The following CAMK2D variants were observed in gnomAD, a reference collection of about 807,000 sequenced individuals.
The protein encoded by CAMK2D is calcium/calmodulin dependent protein kinase II delta, also known as calcium/calmodulin-dependent protein kinase type II subunit delta.
A neutral mutation model predicts 84.0 loss-of-function variants in CAMK2D; 37 were observed. The ratio of observed to expected loss-of-function variants is 0.44; its 90% CI spans 0.34 to 0.58. The LOEUF (loss-of-function observed/expected upper bound fraction) is 0.58, where lower values mean the gene tolerates loss of function less well. Among genes scored for constraint, CAMK2D ranks in the 20% least tolerant of loss-of-function variants. The pLI, the probability that CAMK2D is intolerant of heterozygous loss-of-function variation, is 0.02. For missense variants in CAMK2D, 448 were observed against 652.5 expected (o/e 0.69, Z 3.41); for synonymous variants, 202 against 212.5 (o/e 0.95, Z 0.43).
rs147459243 is a variant in CAMK2D at position 113,495,702 on chromosome 4, T to C, written c.1135+4761A>G. ...AAACATCCTCATTACTACTACCTAG[T>C]AATCAGGAAAAGTAAAAAGGAATTC... On this transcript the variant is annotated intron_variant, in intron 16 of 20. Transcript: ENST00000511664. Among the ~76,000 whole-genome samples the C allele has an allele frequency of 1.3e-3, 194 of 152,156 alleles. 1 individual carries two copies. The highest frequency in any genetic ancestry group is 4.6e-3 in the African/African-American group (191 of 41,518).
At position 113,455,765 on chromosome 4, in the gene CAMK2D, T is replaced by C. The variant is rs777310167; in HGVS notation, c.1592A>G (p.Gln531Arg). 6 of 1,612,370 alleles carry C rather than the reference T, an allele frequency of 3.7e-6. No homozygotes were observed. The highest frequency in any genetic ancestry group is 4.2e-6 in the Non-Finnish European group (5 of 1,178,656). ...AATGGTTTTCAGGCCTTAGATGTTT[T>C]GCCACAAAGAGGTGCCTCCTGAGAA... ...ENFSGGTSLW[Q>R]NI Residue 531 changes from glutamine to arginine, a missense_variant, in exon 20 of 21, where the codon CAA becomes CGA. Physicochemically the swap from Gln to Arg is conservative, Grantham distance 43 (BLOSUM62 1). Transcript: ENST00000511664.
intron 3 of CAMK2D, among the ~76,000 whole-genome samples, chr4:113,615,140 T>C (rs1429986364): frequency 1.3e-5 from 2 of 152,134 alleles, no homozygotes; most frequent in Admixed American, 6.6e-5. Context: ...CAGATCCTTT[T>C]TATATTCCCA....
intron 16 of CAMK2D, among the ~76,000 whole-genome samples, chr4:113,491,527 C>A (rs1397435758): frequency 6.6e-6 from 1 of 151,900 alleles, no homozygotes; most frequent in Non-Finnish European, 1.5e-5. Context: ...TTTTGACGTG[C>A]TGCTGGATTC....
chr4:113,737,503 C>T (rs1014632597), intron 2 of CAMK2D, among the ~76,000 whole-genome samples: 2 of 151,958 alleles, frequency 1.3e-5, no homozygotes, highest in African/African-American at 4.8e-5. Context: ...AGGGAGATAC[C>T]ACTTAATGAA....
At chr4:113,618,776 AG>A (rs2099032321) in intron 3 of CAMK2D, among the ~76,000 whole-genome samples, 1 of 152,172 alleles carries the variant, frequency 6.6e-6, no homozygotes, top group African/African-American at 2.4e-5. Context: ...AAAACATGGG[AG>A]TTATTTATGA....
chr4:113,712,204 TA>T (rs2099495438), intron 2 of CAMK2D, among the ~76,000 whole-genome samples: 1 of 152,168 alleles, frequency 6.6e-6, no homozygotes, highest in African/African-American at 2.4e-5. Context: ...CATCAATCTC[TA>T]AGAGATAGAA....
At position 113,505,506 on chromosome 4, in the gene CAMK2D, A is replaced by AAATT. The variant is rs1200849389; in HGVS notation, c.985-475_985-472dup. Among the ~76,000 whole-genome samples the AAATT allele has an allele frequency of 2.6e-5, 4 of 152,206 alleles. No homozygotes were observed. In the South Asian group the frequency reaches 8.3e-4, roughly 31 times the overall value. The stretch of plus-strand genomic sequence containing the variant: ...AGCATTACTTTGCTTAGGAGCAATT[A>AAATT]AATTATCCAATGAAAATTTAGATCT... On this transcript the variant is annotated intron_variant, in intron 13 of 20. Coordinates refer to ENST00000511664, the MANE Select transcript of CAMK2D (RefSeq NM_001321571.2).
At chr4:113,500,087 A>G (rs1245038948) in intron 16 of CAMK2D, among the ~76,000 whole-genome samples, 2 of 152,150 alleles carry the variant, frequency 1.3e-5, no homozygotes, top group Admixed American at 1.3e-4. Context: ...TTGAATATAA[A>G]TTGTTTTCCA....
intron 16 of CAMK2D, among the ~76,000 whole-genome samples, chr4:113,477,695 G>A (rs1223852944): frequency 2.1e-5 from 3 of 143,386 alleles, no homozygotes; most frequent in South Asian, 4.4e-4. Context: ...GAAGTGAGCC[G>A]AGATTGTGCC....
chr4:113,626,297 A>C (rs1170852955), intron 3 of CAMK2D, among the ~76,000 whole-genome samples: 1 of 152,200 alleles, frequency 6.6e-6, no homozygotes, highest in Non-Finnish European at 1.5e-5. Context: ...AAACAAATTC[A>C]TTCTTTAGTG....
chr4:113,652,027 T>A (rs1177620486), intron 3 of CAMK2D, among the ~76,000 whole-genome samples: 3 of 152,216 alleles, frequency 2.0e-5, no homozygotes, highest in African/African-American at 4.8e-5. Flanking sequence ...GATTTTTTAA[T>A]CAATGTTTAT....
chr4:113,460,829 G>T (rs1008902258), intron 17 of CAMK2D, among the ~76,000 whole-genome samples: 1 of 151,920 alleles, frequency 6.6e-6, no homozygotes, highest in Admixed American at 6.6e-5. Flanking sequence ...GGGAGTATTG[G>T]CGTACAGTAC....
chr4:113,504,984 G>T lies in CAMK2D; in HGVS notation c.1036C>A (p.Pro346Thr). ...VTSPKENIPT[P>T]ALEPQTTVIH... is the part of the protein sequence containing the mutation. ...AAAGAGTCCAGGTATACCAGCGCTG[G>T]GGTAGGAATATTTTCTTTGGGGCTG... The change falls in exon 14 of 21, where the codon CCA (proline) becomes ACA (threonine). Residue 346 changes from proline to threonine, a missense_variant. Physicochemically the swap from Pro to Thr is conservative, Grantham distance 38. Around this residue, in one of 7 missense-constraint regions of CAMK2D, gnomAD observed 219 missense variants for 272.1 expected, o/e 0.80. Transcript: ENST00000511664. The T allele has an allele frequency of 6.4e-7, 1 of 1,572,534 alleles. No individual in the cohort carries two copies.
At chr4:113,672,926 A>C (rs566046026) in intron 2 of CAMK2D, among the ~76,000 whole-genome samples, 1 of 152,184 alleles carries the variant, frequency 6.6e-6, no homozygotes, top group Non-Finnish European at 1.5e-5. Flanking sequence ...TATAAAACAA[A>C]TGAAATTTTC....
chr4:113,508,197 AT>A, intron 13 of CAMK2D: 1 of 1,466,496 alleles, frequency 6.8e-7, no homozygotes, highest in Non-Finnish European at 9.4e-7. Context: ...CTAAGTGTGA[AT>A]TTTCACAGGA....
At chr4:113,658,546 C>A (rs2099212895) in intron 3 of CAMK2D, among the ~76,000 whole-genome samples, 1 of 152,162 alleles carries the variant, frequency 6.6e-6, no homozygotes, top group Non-Finnish European at 1.5e-5. Context: ...AATACCCCAA[C>A]ACCCAGTATT....
At chr4:113,582,550 C>T (rs570552999) in intron 4 of CAMK2D, among the ~76,000 whole-genome samples, 53 of 146,998 alleles carry the variant, frequency 3.6e-4, no homozygotes, top group African/African-American at 1.3e-3. Flanking sequence ...CTCCTTTTAC[C>T]TTAAAGAAGC....
At chr4:113,466,609 T>C (rs1295579178) in intron 16 of CAMK2D, among the ~76,000 whole-genome samples, 9 of 152,234 alleles carry the variant, frequency 5.9e-5, no homozygotes, top group Non-Finnish European at 1.2e-4. Context: ...ACTGTAGATG[T>C]AGGCAGATAA....
intron 2 of CAMK2D, among the ~76,000 whole-genome samples, chr4:113,730,324 T>C (rs2099562351): frequency 6.6e-6 from 1 of 152,232 alleles, no homozygotes; most frequent in South Asian, 2.1e-4. Context: ...GTTTCAATAG[T>C]AGTTTCTTCA....
Sources: allele counts gnomAD v4.1 joint callset (sites outside exome capture counted in the v4.1 genomes callset), GRCh38; gene constraint gnomAD v4.1.1; regional missense constraint gnomAD v4.1.1; transcripts MANE v1.5; gene names NCBI Gene and HGNC (gene_info 2026-07-23, HGNC 2026-07-21).